Variants in TDP1 observed in about 807,000 individuals in gnomAD.
The protein encoded by TDP1 is tyrosyl-DNA phosphodiesterase 1.
In TDP1, 64 loss-of-function variants were observed where a neutral mutation model predicts 81.5. That is an observed-to-expected ratio of 0.79 (90% CI 0.64 to 0.97). The LOEUF (loss-of-function observed/expected upper bound fraction) is 0.97. Ranked by LOEUF, TDP1 falls within the 50% of genes least tolerant of loss-of-function variation. TDP1 has a pLI of 0.00. For synonymous variants in TDP1, 256 were observed against 264.3 expected (o/e 0.97, Z 0.30); for missense variants, 723 against 743.8 (o/e 0.97, Z 0.33).
chr14:90,028,632 A>G (rs1258921671), intron 15 of TDP1, among the ~76,000 whole-genome samples: 1 of 152,214 alleles, frequency 6.6e-6, no homozygotes, highest in Non-Finnish European at 1.5e-5. Flanking sequence ...ATATATAAAT[A>G]ATGATAATTA....
chr14:90,010,446 T>C (rs1378266193), intron 14 of TDP1, among the ~76,000 whole-genome samples: 1 of 152,230 alleles, frequency 6.6e-6, no homozygotes, highest in African/African-American at 2.4e-5. Flanking sequence ...TGTTAAATTA[T>C]CTGGCAAAGG....
chr14:89,956,457 T>C (rs561509429), intron 1 of TDP1, 121 bp from the exon 2 acceptor site: 1 of 152,500 alleles, frequency 6.6e-6, no homozygotes, highest in South Asian at 2.1e-4. Flanking sequence ...CGGCCCCAAA[T>C]GAGCACGCAG....
intron 8 of TDP1, chr14:89,981,429 G>C (rs1401011199): frequency 8.8e-6 from 4 of 453,610 alleles, no homozygotes; most frequent in Non-Finnish European, 1.8e-5. Flanking sequence ...TATTGTTCTT[G>C]ATTATGACTA....
chr14:89,962,320 TA>T (rs1026236400), intron 2 of TDP1, among the ~76,000 whole-genome samples: 2 of 152,150 alleles, frequency 1.3e-5, no homozygotes, highest in Non-Finnish European at 2.9e-5. Flanking sequence ...AGCTTTATGG[TA>T]AATGGGTTGT....
At chr14:90,032,027 G>C (rs1341750045) in intron 15 of TDP1, among the ~76,000 whole-genome samples, 1 of 152,186 alleles carries the variant, frequency 6.6e-6, no homozygotes, top group Non-Finnish European at 1.5e-5. Flanking sequence ...ATGAGGACAA[G>C]GATATTGATG....
At chr14:89,994,909 A>G (rs754441414) in intron 14 of TDP1, among the ~76,000 whole-genome samples, 1 of 152,228 alleles carries the variant, frequency 6.6e-6, no homozygotes, top group Non-Finnish European at 1.5e-5. Flanking sequence ...GAGTGATTCC[A>G]TGAGGCTATG....
At chr14:90,000,293 G>A (rs1304425786) in intron 14 of TDP1, among the ~76,000 whole-genome samples, 1 of 152,158 alleles carries the variant, frequency 6.6e-6, no homozygotes, top group Non-Finnish European at 1.5e-5. Flanking sequence ...ACCAAATTAT[G>A]CAAGTGAAAC....
intron 14 of TDP1, 190 bp from the exon 15 acceptor site, chr14:90,019,126 A>G (rs1213446199): frequency 2.1e-6 from 2 of 973,902 alleles, no homozygotes; most frequent in East Asian, 1.1e-4. Context: ...TAGCAATTAG[A>G]TAAATCTCGA....
chr14:90,019,244 G>T lies in TDP1; in HGVS notation c.1542-72G>T, dbSNP rs1022816018. ...ATATATTTTTTTGACCGGTGCTCTT[G>T]CAGCTGTGGAAGTTTGACCCACACT... is the stretch of plus-strand genomic sequence containing the variant. On this transcript the variant is annotated intron_variant, in intron 14 of 16. Coordinates refer to ENST00000335725, the MANE Select transcript of TDP1 (RefSeq NM_018319.4). 5 of 1,313,452 alleles carry T rather than the reference G, an allele frequency of 3.8e-6. No homozygotes were observed. The African/African-American group carries it at 7.2e-5, about 19-fold the overall frequency. 81.4% of individuals were successfully genotyped at this position (1,313,452 alleles called of 1,614,324 possible).
rs369019635 is a variant in TDP1 at position 89,978,621 on chromosome 14, T to C, written c.792-1919T>C. ...CACTACCATTTTGTCTATGAAAAGA[T>C]GAATATGGCTACTCTCAAGTTCATA... On this transcript the variant is annotated intron_variant, in intron 7 of 16. Coordinates refer to ENST00000335725, the MANE Select transcript of TDP1 (RefSeq NM_018319.4). 8.5e-5 allele frequency among the ~76,000 whole-genome samples: 13 copies of C among 152,396 alleles called. No homozygotes were observed. In the East Asian group the frequency reaches 9.6e-4, roughly 11 times the overall value.
chr14:89,981,337 C>T (rs1894951444), intron 8 of TDP1: 2 of 383,108 alleles, frequency 5.2e-6, no homozygotes, highest in African/African-American at 4.2e-5. Flanking sequence ...TGCACATATG[C>T]TAGATCCAGG....
At chr14:89,989,660 A>G in intron 11 of TDP1, 57 bp from the exon 12 acceptor site, 2 of 1,363,282 alleles carry the variant, frequency 1.5e-6, no homozygotes, top group Non-Finnish European at 2.1e-6. Flanking sequence ...GCTGATTATC[A>G]TTCCTTTTCT....
intron 16 of TDP1, among the ~76,000 whole-genome samples, chr14:90,037,530 C>T (rs1887943095): frequency 1.3e-5 from 2 of 152,088 alleles, no homozygotes; most frequent in South Asian, 2.1e-4. Flanking sequence ...AAAGTTTTGG[C>T]ATAATTCCAA....
At chr14:90,024,846 G>A (rs1189944853) in intron 15 of TDP1, among the ~76,000 whole-genome samples, 1 of 152,126 alleles carries the variant, frequency 6.6e-6, no homozygotes, top group African/African-American at 2.4e-5. Context: ...AGGTTTCCCT[G>A]TTCAGTACCA....
At chr14:89,984,407 T>G in intron 8 of TDP1, 109 bp from the exon 9 acceptor site, 1 of 1,600,126 alleles carries the variant, frequency 6.2e-7, no homozygotes, top group Non-Finnish European at 8.5e-7. Flanking sequence ...ACTTACCATG[T>G]GGAGATACCG....
At chr14:90,017,721 CT>C (rs1885481427) in intron 14 of TDP1, among the ~76,000 whole-genome samples, 1 of 152,214 alleles carries the variant, frequency 6.6e-6, no homozygotes, top group Non-Finnish European at 1.5e-5. Context: ...TGCCGTTAGA[CT>C]TTCCTCTTCG....
At chr14:90,040,572 T>G (rs936436567) in intron 16 of TDP1, among the ~76,000 whole-genome samples, 1 of 152,252 alleles carries the variant, frequency 6.6e-6, no homozygotes, top group Non-Finnish European at 1.5e-5. Context: ...CGAGGTTTCA[T>G]GCATGGCTTA....
chr14:89,968,286 A>T (rs1893187481), intron 5 of TDP1, among the ~76,000 whole-genome samples: 1 of 152,112 alleles, frequency 6.6e-6, no homozygotes, highest in Admixed American at 6.5e-5. Context: ...GATGGTAAAC[A>T]TTTATGGTCT....
In TDP1 at chr14:90,003,943, T is replaced by A. The variant is rs573560139; in HGVS notation, c.1541+10460T>A. ...TTTGTTCTCCTTTGTCTGAGTATTTTGGTGAAAATAAAATTGGATTACACA... is the reference window on the plus strand; with the variant it reads ...TTTGTTCTCCTTTGTCTGAGTATTTAGGTGAAAATAAAATTGGATTACACA... On this transcript the variant is annotated intron_variant, in intron 14 of 16. Coordinates refer to ENST00000335725, the MANE Select transcript of TDP1 (RefSeq NM_018319.4). 1.1e-4 allele frequency among the ~76,000 whole-genome samples: 17 copies of A among 152,330 alleles called. 1 individual carries two copies. The highest frequency in any genetic ancestry group is 3.8e-4 in the African/African-American group (16 of 41,580).
Sources: allele counts gnomAD v4.1 joint callset (sites outside exome capture counted in the v4.1 genomes callset), GRCh38; gene constraint gnomAD v4.1.1; transcripts MANE v1.5; gene names NCBI Gene and HGNC (gene_info 2026-07-23, HGNC 2026-07-21).